The following ATP8A2 variants were observed in gnomAD, a reference collection of about 807,000 sequenced individuals.
ATP8A2 encodes ATPase phospholipid transporting 8A2.
Under a neutral mutation model 165.6 loss-of-function variants are expected in ATP8A2, and 100 were observed. The observed-to-expected ratio is 0.60, with a 90% CI of 0.51 to 0.71. The LOEUF is 0.71. ATP8A2 is among the 30% of genes least tolerant of loss of function. ATP8A2 has a pLI of 0.00. For missense variants in ATP8A2, 1,227 were observed against 1,479.5 expected (o/e 0.83, Z 2.80); for synonymous variants, 543 against 548.8 (o/e 0.99, Z 0.15).
chr13:25,794,218 G>C (rs1950450739), intron 27 of ATP8A2, among the ~76,000 whole-genome samples: 1 of 152,128 alleles, frequency 6.6e-6, no homozygotes, highest in Non-Finnish European at 1.5e-5. Flanking sequence ...CAGCTGCCTT[G>C]GTAAAACCTT....
chr13:25,847,781 G>A (rs1487927570), intron 30 of ATP8A2, among the ~76,000 whole-genome samples: 1 of 152,146 alleles, frequency 6.6e-6, no homozygotes, highest in Non-Finnish European at 1.5e-5. Flanking sequence ...CCCAGGGCTA[G>A]CTAATTCCTG....
At chr13:25,520,787 A>ATT (rs954463142) in intron 2 of ATP8A2, among the ~76,000 whole-genome samples, 8 of 137,346 alleles carry the variant, frequency 5.8e-5, no homozygotes, top group African/African-American at 2.2e-4. Context: ...ATATATATAT[A>ATT]TTTTTTTTAG....
intron 2 of ATP8A2, among the ~76,000 whole-genome samples, chr13:25,496,302 C>A (rs2036677863): frequency 6.6e-6 from 1 of 152,150 alleles, no homozygotes; most frequent in Non-Finnish European, 1.5e-5. Context: ...GAGTCTCACA[C>A]CCCTGGCTCA....
At chr13:25,838,358 G>A (rs117132993) in intron 29 of ATP8A2, among the ~76,000 whole-genome samples, 1,564 of 152,190 alleles carry the variant, frequency 0.01, 16 homozygotes, top group Non-Finnish European at 0.014. Context: ...TGGTTCTACC[G>A]TCTCCCACAT....
intron 1 of ATP8A2, among the ~76,000 whole-genome samples, chr13:25,409,788 T>G (rs969455946): frequency 6.6e-6 from 1 of 152,106 alleles, no homozygotes; most frequent in African/African-American, 2.4e-5. Flanking sequence ...CCATAATTAC[T>G]TTTATGGCAG....
chr13:25,392,703 A>G (rs77180525), intron 1 of ATP8A2, among the ~76,000 whole-genome samples: 5 of 152,326 alleles, frequency 3.3e-5, no homozygotes, highest in Admixed American at 6.5e-5. Flanking sequence ...TTTGAACTTC[A>G]GAGCAGTGAC....
chr13:25,542,014 C>G lies in ATP8A2; in HGVS notation c.747C>G (p.Asp249Glu). 4 of 1,614,050 alleles carry G rather than the reference C, an allele frequency of 2.5e-6. No individual in the cohort carries two copies. Among genetic ancestry groups the G allele is most frequent in the Non-Finnish European group, 3.4e-6 (4 of 1,179,938 alleles). ...AAGGGCCCAACCGCCACCTCTATGA[C>G]TTCACTGGAAACTTGAACTTAGATG... Reference protein sequence around the residue: ...ECEGPNRHLYDFTGNLNLDGK... With the variant: ...ECEGPNRHLYEFTGNLNLDGK... The change falls in exon 9 of 37, where the codon GAC becomes GAG. Residue 249 changes from aspartate to glutamate, a missense_variant. Asp to Glu is a conservative substitution (Grantham distance 45). This residue lies in a region of ATP8A2 where 356 missense variants were observed against 394.9 expected (regional missense o/e 0.90). Transcript: ENST00000381655.
chr13:25,850,133 TCA>T (rs1180965275), intron 30 of ATP8A2, among the ~76,000 whole-genome samples: 4 of 152,174 alleles, frequency 2.6e-5, no homozygotes, highest in Admixed American at 6.5e-5. Flanking sequence ...CAAACTGATC[TCA>T]GTCTAGTTCC....
rs550249133 is a variant in ATP8A2 at position 25,709,425 on chromosome 13, G to C, written c.2384+10080G>C. ...AAGATATTAGAGCTTGAGAAATTAG[G>C]ATTCCTGTGTTATCACAATTATTTT... is the stretch of plus-strand genomic sequence containing the variant. On this transcript the variant is annotated intron_variant, in intron 25 of 36. Transcript: ENST00000381655. Among the ~76,000 whole-genome samples, 14 of 152,264 alleles carry C rather than the reference G, an allele frequency of 9.2e-5. 1 individual carries two copies. The South Asian group carries it at 2.7e-3, about 29-fold the overall frequency.
At position 26,020,194 on chromosome 13, in the gene ATP8A2, C is replaced by A. The variant is rs747092946; in HGVS notation, c.*209C>A. 1.7e-6 allele frequency: 1 copy of A among 582,528 alleles called. No homozygotes were observed. Among genetic ancestry groups the A allele is most frequent in the East Asian group, 2.8e-5 (1 of 35,100 alleles). The allele number at this position is 582,528 out of a possible 1,614,324, so 36.1% of individuals were successfully genotyped here. A position where few individuals can be genotyped will look rare whatever the true frequency, so the allele number is the denominator to read the frequency against. On this transcript the variant is annotated 3_prime_UTR_variant, in exon 37 of 37. Coordinates refer to ENST00000381655, the MANE Select transcript of ATP8A2 (RefSeq NM_016529.6). The stretch of plus-strand genomic sequence containing the variant: ...GGAAGCTATCTTTGCCCTCCCAACT[C>A]GTCTGCAGTGCTTAGCCTAACTTTT...
intron 1 of ATP8A2, among the ~76,000 whole-genome samples, chr13:25,410,379 A>G (rs558877542): frequency 7.2e-5 from 11 of 152,276 alleles, no homozygotes; most frequent in African/African-American, 2.4e-4. Flanking sequence ...ATCTATTCCT[A>G]CATAGAAGTT....
At chr13:25,940,771 G>A (rs1420900315) in intron 33 of ATP8A2, among the ~76,000 whole-genome samples, 1 of 152,198 alleles carries the variant, frequency 6.6e-6, no homozygotes, top group Non-Finnish European at 1.5e-5. Context: ...GACTAGCCTG[G>A]CCTCTGAGAG....
At chr13:25,699,464 A>T (rs1484039192) in intron 25 of ATP8A2, 119 bp downstream of exon 25, 2 of 769,380 alleles carry the variant, frequency 2.6e-6, no homozygotes, top group Non-Finnish European at 3.8e-6. Flanking sequence ...AAAAAGGCAA[A>T]ACAAAAATAC....
chr13:25,824,158 A>G (rs945553619), intron 27 of ATP8A2, among the ~76,000 whole-genome samples: 5 of 152,154 alleles, frequency 3.3e-5, no homozygotes, highest in Non-Finnish European at 5.9e-5. Flanking sequence ...TTTAGTAGAC[A>G]TGGGTTTTCA....
intron 2 of ATP8A2, among the ~76,000 whole-genome samples, chr13:25,506,940 C>T (rs866981200): frequency 1.6e-3 from 205 of 128,680 alleles, no homozygotes; most frequent in Non-Finnish European, 2.4e-3. Flanking sequence ...CAGTACAGTA[C>T]ATATATATAT....
In ATP8A2 at chr13:26,015,388, T is replaced by C. The variant is rs529280789; in HGVS notation, c.3469+2766T>C. On this transcript the variant is annotated intron_variant, in intron 36 of 36. Transcript: ENST00000381655. The stretch of plus-strand genomic sequence containing the variant: ...GCAGGAAAAACTCTAATCTTGGTAG[T>C]ATTTTAGTTCCTGTGAGCCACCAAC... 6.6e-5 allele frequency among the ~76,000 whole-genome samples: 10 copies of C among 152,274 alleles called. No homozygotes were observed. The South Asian group carries it at 2.1e-3, about 32-fold the overall frequency.
intron 1 of ATP8A2, among the ~76,000 whole-genome samples, chr13:25,465,755 C>CTCTCTCTCTCTT (rs746455176): frequency 0.012 from 138 of 11,812 alleles, 17 homozygotes; most frequent in Admixed American, 0.014. Context: ...CTCCCTCTCT[C>CTCTCTCTCTCTT]TCTCTCTTTC....
intron 27 of ATP8A2, among the ~76,000 whole-genome samples, chr13:25,812,850 A>G (rs1423030442): frequency 1.3e-5 from 2 of 152,172 alleles, no homozygotes; most frequent in African/African-American, 4.8e-5. Flanking sequence ...TCAATGATAG[A>G]ATGCTAAAGA....
chr13:25,974,397 A>G (rs893399172), intron 35 of ATP8A2, among the ~76,000 whole-genome samples: 7 of 151,882 alleles, frequency 4.6e-5, no homozygotes, highest in Non-Finnish European at 1.5e-5. Context: ...GTCTGAGGTA[A>G]AAGGGAGAAA....
Sources: allele counts gnomAD v4.1 joint callset (sites outside exome capture counted in the v4.1 genomes callset), GRCh38; gene constraint gnomAD v4.1.1; regional missense constraint gnomAD v4.1.1; transcripts MANE v1.5; gene names NCBI Gene and HGNC (gene_info 2026-07-23, HGNC 2026-07-21).